The following FN1 variants were observed in gnomAD, a reference collection of about 807,000 sequenced individuals.
FN1 encodes the protein fibronectin 1.
Under a neutral mutation model 297.3 loss-of-function variants are expected in FN1, and 106 were observed. That is an observed-to-expected ratio of 0.36 (90% CI 0.30 to 0.42). The LOEUF is 0.42. Ranked by LOEUF, FN1 falls within the 10% of genes least tolerant of loss-of-function variation. The pLI is 1.00. For synonymous variants in FN1, 1,149 were observed against 1,152.6 expected (o/e 1.00, Z 0.06); for missense variants, 2,690 against 3,124.9 (o/e 0.86, Z 3.32).
intron 19 of FN1, among the ~76,000 whole-genome samples, chr2:215,405,565 G>A (rs1177012037): frequency 4.6e-5 from 7 of 152,010 alleles, no homozygotes; most frequent in South Asian, 4.1e-4. Flanking sequence ...CCAACACAGC[G>A]AAACCCATTT....
chr2:215,416,313 T>C (rs929211740), intron 12 of FN1, among the ~76,000 whole-genome samples: 2 of 152,174 alleles, frequency 1.3e-5, no homozygotes, highest in Non-Finnish European at 2.9e-5. Context: ...CATAAAATTA[T>C]GAGTTTTTCA....
At chr2:215,412,592 A>C (rs926619397) in intron 13 of FN1, among the ~76,000 whole-genome samples, 1 of 152,088 alleles carries the variant, frequency 6.6e-6, no homozygotes, top group Non-Finnish European at 1.5e-5. Flanking sequence ...GCATGCTACC[A>C]TGCCCGGCTA....
rs766977112 is a variant in FN1 at position 215,361,970 on chromosome 2, G to GTGTT, written c.7357_7360dup (p.Thr2454LysfsTer3). On this transcript the variant is annotated frameshift_variant and splice_region_variant, in exon 45 of 46. Coordinates refer to ENST00000354785, the MANE Select transcript of FN1 (RefSeq NM_212482.4). LOFTEE classifies it high-confidence loss of function. ...CACTTGTGCTGCTAATGCACTTACA[G>GTGTT]TGTTTGTTCTCTGATGGTATCTCTG... 1 of 1,612,776 alleles carries GTGTT rather than the reference G, an allele frequency of 6.2e-7. No homozygotes were observed. The highest frequency in any genetic ancestry group is 8.5e-7 in the Non-Finnish European group (1 of 1,179,066).
intron 34 of FN1, among the ~76,000 whole-genome samples, chr2:215,378,636 T>C (rs2057733445): frequency 6.6e-6 from 1 of 152,214 alleles, no homozygotes; most frequent in Non-Finnish European, 1.5e-5. Flanking sequence ...CTCTGAACCC[T>C]CTTTCTGTAG....
At chr2:215,403,774 TAAGAA>T (rs1242603467) in intron 20 of FN1, among the ~76,000 whole-genome samples, 1 of 152,208 alleles carries the variant, frequency 6.6e-6, no homozygotes, top group Non-Finnish European at 1.5e-5. Flanking sequence ...AAGAGTAATT[TAAGAA>T]AAGAGCGATT....
chr2:215,401,049 G>A (rs1227293028), intron 20 of FN1, among the ~76,000 whole-genome samples: 3 of 148,102 alleles, frequency 2.0e-5, no homozygotes, highest in Non-Finnish European at 3.0e-5. Context: ...ACCCACCTCG[G>A]CCTCCCAAAG....
intron 38 of FN1, among the ~76,000 whole-genome samples, chr2:215,373,718 C>T (rs1450434606): frequency 7.5e-6 from 1 of 134,000 alleles, no homozygotes; most frequent in Non-Finnish European, 1.5e-5. Context: ...CTGGCTCTGT[C>T]ACCCAGGCTG....
At chr2:215,422,741 T>C (rs746390302) in intron 9 of FN1, among the ~76,000 whole-genome samples, 1 of 152,218 alleles carries the variant, frequency 6.6e-6, no homozygotes, top group Non-Finnish European at 1.5e-5. Context: ...GCCCAGGCTC[T>C]TGTTTCTACA....
chr2:215,429,136 T>C (rs1433936484), intron 5 of FN1, among the ~76,000 whole-genome samples: 1 of 152,134 alleles, frequency 6.6e-6, no homozygotes, highest in Non-Finnish European at 1.5e-5. Flanking sequence ...TATAAGAAGG[T>C]GGTAGTATCT....
chr2:215,427,490 C>A (rs1280745146), intron 6 of FN1, among the ~76,000 whole-genome samples: 1 of 152,128 alleles, frequency 6.6e-6, no homozygotes, highest in Non-Finnish European at 1.5e-5. Context: ...AAATCTTTTT[C>A]TCATGCCAAA....
Position 215,420,901 on chromosome 2 carries a change from T to C in FN1, c.1547-100A>G, listed in dbSNP as rs576917066. On this transcript the variant is annotated intron_variant, in intron 10 of 45. Transcript: ENST00000354785. ...AAAGCATACAACTACTTCCACTTAA[T>C]TATCAACACCTTCCACTAAAATAAC... The C allele has an allele frequency of 3.8e-4, 392 of 1,043,384 alleles. 6 individuals carry two copies. In the South Asian group the frequency reaches 4.9e-3, roughly 13 times the overall value. The allele number at this position is 1,043,384 out of a possible 1,614,324, so 64.6% of individuals were successfully genotyped here. A position where few individuals can be genotyped will look rare whatever the true frequency, so the allele number is the denominator to read the frequency against.
intron 6 of FN1, among the ~76,000 whole-genome samples, chr2:215,427,165 G>A (rs1276659143): frequency 6.6e-6 from 1 of 152,106 alleles, no homozygotes; most frequent in Non-Finnish European, 1.5e-5. Context: ...GTGAGCCACC[G>A]CGCGTGGCCG....
rs554574236 is a variant in FN1 at position 215,425,188 on chromosome 2, C to T, written c.942G>A (p.Val314=). Reference sequence around the variant, plus strand: ...GCCACTGCATCCCCACAGAGTAGACCACACCACTGTCTGTGACACAGTGGC... The same window carrying T: ...GCCACTGCATCCCCACAGAGTAGACTACACCACTGTCTGTGACACAGTGGC... The part of the protein sequence containing the change: ...PYGHCVTDSG[V]VYSVGMQWLK... Residue 314 remains valine (V), a synonymous_variant, in exon 7 of 46, where the codon GTG becomes GTA. Coordinates refer to ENST00000354785, the MANE Select transcript of FN1 (RefSeq NM_212482.4). 4 of 1,614,096 alleles carry T rather than the reference C, an allele frequency of 2.5e-6. No homozygotes were observed. In the African/African-American group the frequency reaches 4.0e-5, roughly 16 times the overall value.
chr2:215,419,934 G>A (rs1218897530), intron 11 of FN1, among the ~76,000 whole-genome samples: 1 of 152,174 alleles, frequency 6.6e-6, no homozygotes. Context: ...TTCTCAGTGA[G>A]CAACCTGTCT....
intron 44 of FN1, chr2:215,364,346 C>A: frequency 5.5e-6 from 1 of 181,614 alleles, no homozygotes; most frequent in Admixed American, 5.4e-5. Flanking sequence ...GACACCTGTC[C>A]ATCAGAATGG....
chr2:215,391,589 C>T (rs376158027), intron 26 of FN1, 43 bp downstream of exon 26: 1 of 1,536,566 alleles, frequency 6.5e-7, no homozygotes, highest in Non-Finnish European at 9.0e-7. Context: ...ATTTGCTATG[C>T]TCTAGGTTAA....
chr2:215,372,018 G>A lies in FN1; in HGVS notation c.6605C>T (p.Thr2202Ile). The change falls in exon 40 of 46, where the codon ACA becomes ATA. Residue 2202 changes from threonine to isoleucine, a missense_variant. Physicochemically the swap from Thr to Ile is moderately conservative, Grantham distance 89. Transcript: ENST00000354785. ...HGPGLNPNAS[T>I]GQEALSQTTI... is the part of the protein sequence containing the mutation. ...TGTCTGAGAGAGAGCTTCTTGTCCT[G>A]TAGAGGCATTTGGATTGAGTCCCGG... is the stretch of plus-strand genomic sequence containing the variant. 1 of 1,614,220 alleles carries A rather than the reference G, an allele frequency of 6.2e-7. No individual in the cohort carries two copies. The highest frequency in any genetic ancestry group is 1.1e-5 in the South Asian group (1 of 91,090).
rs1251041599 is a variant in FN1, at chr2:215,404,416, G to C, written c.3226C>G (p.Pro1076Ala). 6.2e-7 allele frequency: 1 copy of C among 1,613,944 alleles called. No individual in the cohort carries two copies. Among genetic ancestry groups the C allele is most frequent in the Admixed American group, 1.7e-5 (1 of 59,982 alleles). Residue 1076 changes from proline (P) to alanine (A), a missense_variant, in exon 20 of 46, where the codon CCC (proline) becomes GCC (alanine). Around this residue, in one of 3 missense-constraint regions of FN1, gnomAD observed 1,743 missense variants for 1,945.2 expected, o/e 0.90. Coordinates refer to ENST00000354785, the MANE Select transcript of FN1 (RefSeq NM_212482.4). ...LVAIKGNQESPKATGVFTTLQ... is the reference protein window; with the variant it reads ...LVAIKGNQESAKATGVFTTLQ... ...GTGGTAAAGACTCCAGTGGCTTTGG[G>C]GCTCTCTTGGTTGCCCTTTATGGCC...
chr2:215,391,180 CCAAA>C (rs1305327328), intron 26 of FN1, among the ~76,000 whole-genome samples: 8 of 151,642 alleles, frequency 5.3e-5, no homozygotes, highest in Non-Finnish European at 1.2e-4. Flanking sequence ...CTAATCTAGA[CCAAA>C]CAATCAGTCA....
Sources: allele counts gnomAD v4.1 joint callset (sites outside exome capture counted in the v4.1 genomes callset), GRCh38; gene constraint gnomAD v4.1.1; regional missense constraint gnomAD v4.1.1; transcripts MANE v1.5; gene names NCBI Gene and HGNC (gene_info 2026-07-23, HGNC 2026-07-21).